CA8: variants seen among roughly 807,000 people sequenced by gnomAD.
CA8 encodes the protein carbonic anhydrase 8 (inactive), also known as carbonic anhydrase-related protein.
In CA8, 22 loss-of-function variants were observed where a neutral mutation model predicts 41.4. That is an observed-to-expected ratio of 0.53 (90% confidence interval 0.38 to 0.76). The LOEUF is 0.76. Among genes scored for constraint, CA8 ranks in the 30% least tolerant of loss-of-function variants. The pLI, the probability that CA8 is intolerant of heterozygous loss-of-function variation, is 0.00. For synonymous variants in CA8, 121 were observed against 130.6 expected, an observed-to-expected ratio of 0.93 and a Z score of 0.50; for missense variants, 270 against 352.8, an observed-to-expected ratio of 0.77 and a Z score of 1.88.
intron 3 of CA8, among the ~76,000 whole-genome samples, chr8:60,241,251 C>T (rs1448206743): frequency 6.6e-6 from 1 of 152,194 alleles, no homozygotes; most frequent in Non-Finnish European, 1.5e-5. Flanking sequence ...TGGAATGGAA[C>T]ATAAATTATT....
At chr8:60,209,328 A>T (rs1473342984) in intron 7 of CA8, among the ~76,000 whole-genome samples, 1 of 152,194 alleles carries the variant, frequency 6.6e-6, no homozygotes, top group East Asian at 1.9e-4. Flanking sequence ...TACTAAAAAT[A>T]CAAAAATCAG....
At chr8:60,271,584 C>T (rs28759336) in intron 2 of CA8, among the ~76,000 whole-genome samples, 67,244 of 151,928 alleles carry the variant, frequency 0.44, 15,422 homozygotes, top group African/African-American at 0.57. Context: ...TTGAGAATTA[C>T]AAGAGACCCA....
intron 3 of CA8, among the ~76,000 whole-genome samples, chr8:60,242,844 T>C (rs895944929): frequency 2.0e-5 from 3 of 152,234 alleles, no homozygotes; most frequent in Non-Finnish European, 2.9e-5. Flanking sequence ...TGGGCAGCAC[T>C]GAAAGGTCTA....
At chr8:60,272,582 C>T (rs1472855052) in intron 2 of CA8, among the ~76,000 whole-genome samples, 1 of 152,152 alleles carries the variant, frequency 6.6e-6, no homozygotes, top group Non-Finnish European at 1.5e-5. Context: ...TTTGTGCAAG[C>T]TGTCCCTTCT....
At chr8:60,267,676 A>G (rs537361128) in intron 2 of CA8, among the ~76,000 whole-genome samples, 6 of 152,284 alleles carry the variant, frequency 3.9e-5, no homozygotes, top group Admixed American at 1.3e-4. Context: ...TCTGACCCAC[A>G]TCCCAGGGTT....
intron 7 of CA8, among the ~76,000 whole-genome samples, chr8:60,221,816 A>G (rs1443127528): frequency 2.6e-5 from 4 of 152,214 alleles, no homozygotes; most frequent in Non-Finnish European, 5.9e-5. Context: ...AGGACAAAAT[A>G]AAGAAAGCTT....
chr8:60,232,763 T>C, intron 3 of CA8: 1 of 263,416 alleles, frequency 3.8e-6, no homozygotes, highest in South Asian at 5.0e-5. Context: ...AATACCTGCA[T>C]AATCAAATAC....
intron 3 of CA8, among the ~76,000 whole-genome samples, chr8:60,237,483 A>C (rs1007970884): frequency 6.6e-5 from 10 of 152,220 alleles, no homozygotes; most frequent in African/African-American, 2.4e-4. Context: ...TTAGCACTGC[A>C]TCTGTTTAGA....
chr8:60,251,463 C>T lies in CA8; in HGVS notation c.417+14462G>A, dbSNP rs543206266. 7.2e-5 allele frequency among the ~76,000 whole-genome samples: 11 copies of T among 152,324 alleles called. No individual in the cohort carries two copies. In the East Asian group the frequency reaches 1.9e-3, roughly 27 times the overall value. Reference sequence around the variant, plus strand: ...AAACCTCAACCACTCACGCATTCAGCGTGACCATATTTGACCTTGAAAACT... The same window carrying T: ...AAACCTCAACCACTCACGCATTCAGTGTGACCATATTTGACCTTGAAAACT... On this transcript the variant is annotated intron_variant, in intron 3 of 8. Coordinates refer to ENST00000317995, the MANE Select transcript of CA8 (RefSeq NM_004056.6).
intron 3 of CA8, among the ~76,000 whole-genome samples, chr8:60,246,608 G>T (rs1808246003): frequency 1.3e-5 from 2 of 152,036 alleles, no homozygotes. Flanking sequence ...ACACATTTGT[G>T]ATAGAAATAA....
intron 7 of CA8, among the ~76,000 whole-genome samples, chr8:60,209,422 T>C (rs1226703119): frequency 6.6e-6 from 1 of 151,352 alleles, no homozygotes; most frequent in African/African-American, 2.4e-5. Flanking sequence ...GAGGCGGAGG[T>C]TGCAGTGAGC....
At position 60,261,601 on chromosome 8, in the gene CA8, T is replaced by C. The variant is rs538021404; in HGVS notation, c.417+4324A>G. On this transcript the variant is annotated intron_variant, in intron 3 of 8. Coordinates refer to ENST00000317995, the MANE Select transcript of CA8 (RefSeq NM_004056.6). ...TTTAAAAACCTAAATCTATCCAATT[T>C]ATGAGTCCATGCCTTATTTTGAGAT... Among the ~76,000 whole-genome samples, 7 of 152,344 alleles carry C rather than the reference T, an allele frequency of 4.6e-5. No individual in the cohort carries two copies. The South Asian group carries it at 1.0e-3, about 23-fold the overall frequency.
intron 3 of CA8, among the ~76,000 whole-genome samples, chr8:60,258,532 G>C (rs957834437): frequency 6.6e-6 from 1 of 152,038 alleles, no homozygotes; most frequent in South Asian, 2.1e-4. Flanking sequence ...CCACAGACAG[G>C]GGGCAGGGGA....
In CA8 at chr8:60,188,366, G is replaced by C. The variant is rs1178693899; in HGVS notation, c.*1655C>G. On this transcript the variant is annotated 3_prime_UTR_variant, in exon 9 of 9. Coordinates refer to ENST00000317995, the MANE Select transcript of CA8 (RefSeq NM_004056.6). ...GACTGTTCAGCACCAACCCGGTCAGGAGTGGAGAGGCTGGTACCTGTGCAG... is the reference window on the plus strand; with the variant it reads ...GACTGTTCAGCACCAACCCGGTCAGCAGTGGAGAGGCTGGTACCTGTGCAG... The C allele has an allele frequency of 1.3e-5, 2 of 152,210 alleles. No homozygotes were observed. Among genetic ancestry groups the C allele is most frequent in the Non-Finnish European group, 2.9e-5 (2 of 68,046 alleles). 9.4% of individuals were successfully genotyped at this position (152,210 alleles called of 1,614,324 possible).
chr8:60,204,268 A>T (rs931989937), intron 8 of CA8, among the ~76,000 whole-genome samples: 1 of 152,218 alleles, frequency 6.6e-6, no homozygotes, highest in Non-Finnish European at 1.5e-5. Context: ...TGATTTCCTT[A>T]TGGAAAAATA....
intron 8 of CA8, 67 bp downstream of exon 8, chr8:60,208,683 G>T (rs1057465994): frequency 7.5e-7 from 1 of 1,340,372 alleles, no homozygotes; most frequent in African/African-American, 1.4e-5. Context: ...ATCACAATAA[G>T]TGTACCTTTG....
intron 3 of CA8, among the ~76,000 whole-genome samples, chr8:60,245,882 T>C (rs913981979): frequency 2.6e-5 from 4 of 152,208 alleles, no homozygotes; most frequent in African/African-American, 9.6e-5. Flanking sequence ...GTACAGCTCA[T>C]ACTGACTGGG....
intron 7 of CA8, among the ~76,000 whole-genome samples, chr8:60,209,587 T>C (rs931701222): frequency 1.3e-5 from 2 of 152,226 alleles, no homozygotes; most frequent in East Asian, 1.9e-4. Flanking sequence ...GCTTTCCAAG[T>C]ACATTTTAAT....
chr8:60,246,363 G>A (rs1469336547), intron 3 of CA8, among the ~76,000 whole-genome samples: 1 of 152,148 alleles, frequency 6.6e-6, no homozygotes, highest in Non-Finnish European at 1.5e-5. Flanking sequence ...CATGATCTCG[G>A]CTCACTGTAA....
Sources: gnomAD v4.1 joint callset for allele counts (sites outside exome capture counted in the v4.1 genomes callset) on GRCh38, gnomAD v4.1.1 for gene constraint, MANE v1.5 for transcripts, NCBI Gene and HGNC (gene_info 2026-07-23, HGNC 2026-07-21) for gene names.